The following ZBTB38 variants were observed in gnomAD, a reference collection of about 807,000 sequenced individuals.
ZBTB38 encodes the protein zinc finger and BTB domain-containing protein 38.
In ZBTB38, 20 loss-of-function variants were observed where a neutral mutation model predicts 76.8. The observed-to-expected ratio is 0.26, with a 90% CI of 0.18 to 0.38. The LOEUF (loss-of-function observed/expected upper bound fraction) is 0.38, where lower values mean the gene tolerates loss of function less well. ZBTB38 is among the 10% of genes least tolerant of loss of function. ZBTB38 has a pLI of 1.00. For missense variants in ZBTB38, 1,082 were observed against 1,482.3 expected, an observed-to-expected ratio of 0.73 and a Z score of 4.43; for synonymous variants, 504 against 544.2, an observed-to-expected ratio of 0.93 and a Z score of 1.03.
intron 4 of ZBTB38, among the ~76,000 whole-genome samples, chr3:141,398,052 G>A (rs150998432): frequency 6.6e-6 from 1 of 152,260 alleles, no homozygotes; most frequent in East Asian, 1.9e-4. Context: ...GCAATAAAAC[G>A]AGCTATGTTT....
At chr3:141,335,227 C>A (rs942598915) in intron 1 of ZBTB38, among the ~76,000 whole-genome samples, 1 of 152,156 alleles carries the variant, frequency 6.6e-6, no homozygotes. Context: ...GTTGTCTGCT[C>A]GTGTTATGTA....
intron 5 of ZBTB38, among the ~76,000 whole-genome samples, chr3:141,424,502 A>C (rs1202660635): frequency 6.6e-6 from 1 of 152,254 alleles, no homozygotes; most frequent in Non-Finnish European, 1.5e-5. Flanking sequence ...CCTGGGTGGC[A>C]GAGTGAGACC....
At chr3:141,414,189 G>A (rs1202884481) in intron 5 of ZBTB38, among the ~76,000 whole-genome samples, 3 of 152,224 alleles carry the variant, frequency 2.0e-5, no homozygotes, top group East Asian at 1.9e-4. Context: ...CTTGGTATAA[G>A]AAGGTAAGCA....
intron 5 of ZBTB38, among the ~76,000 whole-genome samples, chr3:141,431,240 T>G (rs1339396146): frequency 6.6e-6 from 1 of 150,400 alleles, no homozygotes; most frequent in Non-Finnish European, 1.5e-5. Context: ...GGAGAATCGC[T>G]TGAACCCAGG....
At chr3:141,363,836 T>C (rs1943884639), upstream of ZBTB38, among the ~76,000 whole-genome samples, 1 of 152,116 alleles carries the variant, frequency 6.6e-6, no homozygotes, top group African/African-American at 2.4e-5. Context: ...TTAAAGTGTA[T>C]CATAGATCTA....
At chr3:141,420,512 A>G (rs2075118024) in intron 5 of ZBTB38, among the ~76,000 whole-genome samples, 1 of 152,236 alleles carries the variant, frequency 6.6e-6, no homozygotes, top group African/African-American at 2.4e-5. Flanking sequence ...GATTCCAAAC[A>G]TATTGATGGA....
rs1029593344 is a variant in ZBTB38 at position 141,449,470 on chromosome 3, G to T, written c.*3494G>T. On this transcript the variant is annotated 3_prime_UTR_variant, in exon 6 of 6. Coordinates refer to ENST00000321464, the MANE Select transcript of ZBTB38 (RefSeq NM_001376113.1). ...AATTTTCACACAAAGAAAAAAATAC[G>T]TTCCGTCGTCACAGACTCTACTCCT... 1.3e-5 allele frequency: 2 copies of T among 152,108 alleles called. No homozygotes were observed. The highest frequency in any genetic ancestry group is 2.1e-4 in the South Asian group (1 of 4,826). The allele number at this position is 152,108 out of a possible 1,614,324, so 9.4% of individuals were successfully genotyped here.
At chr3:141,404,847 A>G (rs963442661) in intron 5 of ZBTB38, among the ~76,000 whole-genome samples, 7 of 152,168 alleles carry the variant, frequency 4.6e-5, no homozygotes, top group Non-Finnish European at 1.0e-4. Context: ...CCCGTCCTGG[A>G]GGAGCTTGCA....
intron 5 of ZBTB38, among the ~76,000 whole-genome samples, chr3:141,439,480 C>T (rs2079596919): frequency 6.6e-6 from 1 of 152,094 alleles, no homozygotes. Context: ...CAATATTATT[C>T]CATGTTAAGA....
chr3:141,371,071 T>TTTTTTTTTTTTTTTTTTTTTTTTTG, intron 2 of ZBTB38, among the ~76,000 whole-genome samples: 1 of 134,542 alleles, frequency 7.4e-6, no homozygotes, highest in African/African-American at 3.1e-5. Flanking sequence ...TTTTTTTTTT[T>TTTTTTTTTTTTTTTTTTTTTTTTTG]GAGGCAGAGT....
chr3:141,372,479 T>C lies in ZBTB38; in HGVS notation c.-235+2533T>C, dbSNP rs1274609292. On this transcript the variant is annotated intron_variant, in intron 2 of 5. Transcript: ENST00000321464. ...GCCTGACCAACATGGTGAAACCCCA[T>C]CTCTACTAAAAAAAAATACAAAATT... 2.6e-5 allele frequency among the ~76,000 whole-genome samples: 4 copies of C among 151,362 alleles called. No homozygotes were observed. In the East Asian group the frequency reaches 5.8e-4, roughly 22 times the overall value.
At chr3:141,325,378 A>G (rs1942642219) in intron 1 of ZBTB38, among the ~76,000 whole-genome samples, 1 of 152,230 alleles carries the variant, frequency 6.6e-6, no homozygotes, top group African/African-American at 2.4e-5. Flanking sequence ...GACACACTTC[A>G]GGTCCAGCAA....
intron 1 of ZBTB38, among the ~76,000 whole-genome samples, chr3:141,345,465 G>T (rs1465766069): frequency 6.6e-6 from 1 of 152,128 alleles, no homozygotes; most frequent in Non-Finnish European, 1.5e-5. Flanking sequence ...GAGGGCTTCT[G>T]CTCGGCCTGC....
chr3:141,368,950 C>G (rs1169751283), intron 1 of ZBTB38, 146 bp downstream of exon 1: 2 of 150,376 alleles, frequency 1.3e-5, no homozygotes, highest in Non-Finnish European at 3.0e-5. Flanking sequence ...TAAATACGGC[C>G]CCAAAGGGAT....
chr3:141,442,198 G>A lies in ZBTB38; in HGVS notation c.1-191G>A, dbSNP rs1412925188. On this transcript the variant is annotated intron_variant, in intron 5 of 5. Coordinates refer to ENST00000321464, the MANE Select transcript of ZBTB38 (RefSeq NM_001376113.1). This position sits in a 1 kb window ranked among gnomAD's most constrained non-coding sequence, Gnocchi z 6.4. Reference sequence around the variant, plus strand: ...ATAACAACTATTAGCAATGGTATGAGAAACAGGCTGGGGCAAGAAAAAGAT... The same window carrying A: ...ATAACAACTATTAGCAATGGTATGAAAAACAGGCTGGGGCAAGAAAAAGAT... Among the ~76,000 whole-genome samples the A allele has an allele frequency of 6.6e-6, 1 of 152,164 alleles. No homozygotes were observed. Among genetic ancestry groups the A allele is most frequent in the African/African-American group, 2.4e-5 (1 of 41,432 alleles).
At chr3:141,439,627 G>A (rs987562513) in intron 5 of ZBTB38, among the ~76,000 whole-genome samples, 1 of 152,156 alleles carries the variant, frequency 6.6e-6, no homozygotes, top group African/African-American at 2.4e-5. Flanking sequence ...TTGAAATGCC[G>A]TATTCCGCAA....
At chr3:141,360,820 C>A (rs1943799936) in intron 1 of ZBTB38, among the ~76,000 whole-genome samples, 1 of 152,230 alleles carries the variant, frequency 6.6e-6, no homozygotes, top group Admixed American at 6.5e-5. Context: ...CCCAAAATGA[C>A]AATAAAAAAG....
At chr3:141,422,520 G>A (rs193001094) in intron 5 of ZBTB38, among the ~76,000 whole-genome samples, 3 of 152,254 alleles carry the variant, frequency 2.0e-5, no homozygotes, top group Admixed American at 2.0e-4. Context: ...GGTGAAGCTG[G>A]GTGCCCTGAT....
chr3:141,402,715 G>C (rs117589471), intron 4 of ZBTB38: 3,550 of 152,172 alleles, frequency 0.023, 66 homozygotes, highest in East Asian at 0.055. Context: ...TTCGGCTGGA[G>C]AGTGCGGGCA....
Sources: gnomAD v4.1 joint callset for allele counts (sites outside exome capture counted in the v4.1 genomes callset) on GRCh38, gnomAD v4.1.1 for gene constraint, Gnocchi (gnomAD v3.1) non-coding constraint, MANE v1.5 for transcripts, NCBI Gene and HGNC (gene_info 2026-07-23, HGNC 2026-07-21) for gene names.